Variants in KCND3 observed in about 807,000 individuals in gnomAD.
The protein encoded by KCND3 is potassium voltage-gated channel subfamily D member 3, also known as A-type voltage-gated potassium channel KCND3.
A neutral mutation model predicts 51.1 loss-of-function variants in KCND3; 9 were observed. That is an observed-to-expected ratio of 0.18 (90% CI 0.11 to 0.31). The LOEUF (loss-of-function observed/expected upper bound fraction) is 0.31, where lower values mean the gene tolerates loss of function less well. Ranked by LOEUF, KCND3 falls within the 10% of genes least tolerant of loss-of-function variation. The pLI is 1.00. For missense variants in KCND3, 526 were observed against 903.8 expected (o/e 0.58, Z 5.36); for synonymous variants, 349 against 368.0 (o/e 0.95, Z 0.59).
At chr1:111,942,837 C>G (rs1211267132) in intron 2 of KCND3, among the ~76,000 whole-genome samples, 3 of 152,280 alleles carry the variant, frequency 2.0e-5, no homozygotes, top group Non-Finnish European at 2.9e-5. Flanking sequence ...GGCTCTGGCT[C>G]CATTTAAATG....
intron 2 of KCND3, among the ~76,000 whole-genome samples, chr1:111,940,881 T>C (rs1332219861): frequency 6.6e-6 from 1 of 152,190 alleles, no homozygotes; most frequent in Non-Finnish European, 1.5e-5. Flanking sequence ...GTGTTTCCAA[T>C]GTACAACCAA....
intron 2 of KCND3, among the ~76,000 whole-genome samples, chr1:111,929,857 C>A (rs1012434338): frequency 2.0e-5 from 3 of 152,218 alleles, no homozygotes; most frequent in Non-Finnish European, 4.4e-5. Context: ...CCATCATGCT[C>A]CCCCTTCCTT....
chr1:111,926,367 C>T (rs1671697461), intron 2 of KCND3, among the ~76,000 whole-genome samples: 1 of 152,236 alleles, frequency 6.6e-6, no homozygotes. Context: ...ATCATTTGAA[C>T]TCCATAGCCA....
intron 2 of KCND3, among the ~76,000 whole-genome samples, chr1:111,844,425 C>T (rs1004613785): frequency 1.3e-5 from 2 of 152,148 alleles, no homozygotes; most frequent in Non-Finnish European, 1.5e-5. Flanking sequence ...TTTTTGGTCT[C>T]TGTCATTTTT....
At position 111,941,204 on chromosome 1, in the gene KCND3, A is replaced by G. The variant is rs139885874; in HGVS notation, c.1106+40417T>C. Among the ~76,000 whole-genome samples, 463 of 152,124 alleles carry G rather than the reference A, an allele frequency of 3.0e-3. 5 individuals are homozygous for G. The highest frequency in any genetic ancestry group is 0.011 in the African/African-American group (449 of 41,504). ...ACTTCACAGAAAAAAAAAACCAGAC[A>G]CATTTTCTACTTCTCACTGCTAGGC... On this transcript the variant is annotated intron_variant, in intron 2 of 7. Transcript: ENST00000302127.
At chr1:111,972,424 G>A (rs1044381993) in intron 2 of KCND3, among the ~76,000 whole-genome samples, 40 of 152,066 alleles carry the variant, frequency 2.6e-4, no homozygotes, top group Admixed American at 9.2e-4. Context: ...CGCCCGCCTC[G>A]GCCTCCCAAA....
intron 2 of KCND3, among the ~76,000 whole-genome samples, chr1:111,811,374 C>T (rs761001856): frequency 1.3e-5 from 2 of 152,162 alleles, no homozygotes; most frequent in East Asian, 1.9e-4. Flanking sequence ...CCAGAAAATA[C>T]TACACCAAGA....
At chr1:111,815,567 G>A (rs1176077690) in intron 2 of KCND3, among the ~76,000 whole-genome samples, 1 of 150,162 alleles carries the variant, frequency 6.7e-6, no homozygotes, top group African/African-American at 2.5e-5. Context: ...CAAGACTCCT[G>A]TTAGGTTGGT....
chr1:111,915,488 C>T (rs1475215989), intron 2 of KCND3, among the ~76,000 whole-genome samples: 1 of 152,120 alleles, frequency 6.6e-6, no homozygotes, highest in Non-Finnish European at 1.5e-5. Context: ...TGCAGTGGCT[C>T]ATGCCTGTAA....
chr1:111,790,846 C>T (rs1664796067), intron 2 of KCND3, among the ~76,000 whole-genome samples: 1 of 152,214 alleles, frequency 6.6e-6, no homozygotes. Flanking sequence ...TCATGTCTGA[C>T]TTCTTTCACT....
chr1:111,961,116 C>T (rs1310746067), intron 2 of KCND3, among the ~76,000 whole-genome samples: 1 of 152,244 alleles, frequency 6.6e-6, no homozygotes, highest in Non-Finnish European at 1.5e-5. Context: ...GCCTAGTTTG[C>T]TCCTCCCTGG....
At chr1:111,874,073 T>C (rs1193804303) in intron 2 of KCND3, among the ~76,000 whole-genome samples, 1 of 152,236 alleles carries the variant, frequency 6.6e-6, no homozygotes, top group Non-Finnish European at 1.5e-5. Context: ...CCAAGCAGCC[T>C]GACCCAGCCA....
At chr1:111,851,669 G>C (rs1477139502) in intron 2 of KCND3, among the ~76,000 whole-genome samples, 3 of 152,240 alleles carry the variant, frequency 2.0e-5, no homozygotes, top group Non-Finnish European at 4.4e-5. Context: ...CTAGACGTGA[G>C]CTCCTCAGGG....
At chr1:111,908,826 G>A (rs1278152932) in intron 2 of KCND3, among the ~76,000 whole-genome samples, 5 of 151,574 alleles carry the variant, frequency 3.3e-5, no homozygotes, top group African/African-American at 7.3e-5. Flanking sequence ...TTGGGGAGAC[G>A]TGTGTGAAAG....
intron 2 of KCND3, among the ~76,000 whole-genome samples, chr1:111,979,498 C>A (rs867956525): frequency 6.8e-6 from 1 of 146,378 alleles, no homozygotes; most frequent in South Asian, 2.2e-4. Flanking sequence ...GAATATCACA[C>A]CCTGAGGCCA....
chr1:111,984,099 C>T (rs1299664215), intron 1 of KCND3, among the ~76,000 whole-genome samples: 1 of 152,184 alleles, frequency 6.6e-6, no homozygotes, highest in African/African-American at 2.4e-5. Flanking sequence ...ATTATTTGGG[C>T]CCTCTGGAAT....
At chr1:111,938,334 T>C (rs1024971346) in intron 2 of KCND3, among the ~76,000 whole-genome samples, 2 of 152,244 alleles carry the variant, frequency 1.3e-5, no homozygotes, top group African/African-American at 4.8e-5. Flanking sequence ...GACACTATTG[T>C]AGTTCATGTA....
intron 2 of KCND3, among the ~76,000 whole-genome samples, chr1:111,972,234 G>A (rs1321082145): frequency 1.3e-5 from 2 of 148,344 alleles, no homozygotes; most frequent in Non-Finnish European, 3.0e-5. Flanking sequence ...GTGCAGTGGC[G>A]GGATCTCGGC....
chr1:111,953,741 C>A (rs544307302), intron 2 of KCND3, among the ~76,000 whole-genome samples: 3 of 152,314 alleles, frequency 2.0e-5, no homozygotes, highest in African/African-American at 7.2e-5. Flanking sequence ...ATATTCCAGG[C>A]CCAGAGAGCT....
Sources: allele counts gnomAD v4.1 joint callset (sites outside exome capture counted in the v4.1 genomes callset), GRCh38; gene constraint gnomAD v4.1.1; transcripts MANE v1.5; gene names NCBI Gene and HGNC (gene_info 2026-07-23, HGNC 2026-07-21).